C6orf163: variants seen among roughly 807,000 people sequenced by gnomAD.
C6orf163 encodes chromosome 6 open reading frame 163.
In C6orf163, 22 loss-of-function variants were observed where a neutral mutation model predicts 28.4. The observed-to-expected ratio is 0.78, with a 90% CI of 0.55 to 1.11. The LOEUF is 1.11. C6orf163 is among the 50% of genes least tolerant of loss of function. The probability of loss-of-function intolerance (pLI) is 0.00; values close to 1 mark genes in which losing one functional copy is unlikely to be tolerated. For synonymous variants in C6orf163, 110 were observed against 123.6 expected (o/e 0.89, Z 0.73); for missense variants, 342 against 389.1 (o/e 0.88, Z 1.02).
At chr6:87,364,878 C>T (rs1431191766) in intron 4 of C6orf163, 83 bp from the exon 5 acceptor site, 6 of 1,047,588 alleles carry the variant, frequency 5.7e-6, no homozygotes, top group Non-Finnish European at 8.2e-6. Flanking sequence ...AACAATTGCT[C>T]ATTCATCTGC....
At chr6:87,347,750 T>G (rs1356220067) in intron 1 of C6orf163, 1 of 985,410 alleles carries the variant, frequency 1.0e-6, no homozygotes, top group East Asian at 1.1e-4. Flanking sequence ...TGCTTACCCT[T>G]TTAGTGAGTT....
At chr6:87,353,158 A>G (rs913719651) in intron 3 of C6orf163, among the ~76,000 whole-genome samples, 18 of 152,172 alleles carry the variant, frequency 1.2e-4, no homozygotes, top group African/African-American at 3.6e-4. Flanking sequence ...ACTGAGTTCA[A>G]TTATCTGAAT....
intron 4 of C6orf163, among the ~76,000 whole-genome samples, chr6:87,364,613 A>G (rs1777620878): frequency 6.6e-6 from 1 of 152,128 alleles, no homozygotes; most frequent in Admixed American, 6.5e-5. Flanking sequence ...ATAAAGAAAT[A>G]CTTTCTCTAC....
At chr6:87,358,212 C>G (rs1461840488) in intron 4 of C6orf163, 4 of 151,962 alleles carry the variant, frequency 2.6e-5, no homozygotes. Context: ...ATTTATATAT[C>G]ATGAGAAATT....
intron 1 of C6orf163, chr6:87,348,361 CAAAGAACCACATGCT>C: frequency 1.0e-6 from 1 of 987,154 alleles, no homozygotes; most frequent in Non-Finnish European, 1.2e-6. Flanking sequence ...GTTAAACCCA[CAAAGAACCACATGCT>C]AAAGAAAGGC....
At chr6:87,350,366 A>G (rs1777393249) in intron 2 of C6orf163, 28 bp from the exon 3 acceptor site, 28 of 1,361,454 alleles carry the variant, frequency 2.1e-5, no homozygotes, top group Non-Finnish European at 2.6e-5. Flanking sequence ...TGATACATTA[A>G]TAGATAAATG....
At chr6:87,352,202 G>T (rs760972103) in intron 3 of C6orf163, among the ~76,000 whole-genome samples, 19 of 152,226 alleles carry the variant, frequency 1.2e-4, no homozygotes, top group Middle Eastern at 3.4e-3. Context: ...GTAGTGTGGG[G>T]TTATTTCAAC....
intron 4 of C6orf163, among the ~76,000 whole-genome samples, chr6:87,363,861 C>T (rs191960415): frequency 1.3e-3 from 197 of 152,258 alleles, no homozygotes; most frequent in African/African-American, 4.5e-3. Context: ...TTGCCTTTTT[C>T]ACTCTTAGTC....
At chr6:87,346,810 AC>A (rs1777331237) in intron 1 of C6orf163, among the ~76,000 whole-genome samples, 1 of 124,628 alleles carries the variant, frequency 8.0e-6, no homozygotes, top group African/African-American at 2.7e-5. Flanking sequence ...TTTTTCCTTC[AC>A]GTTTAAATAA....
chr6:87,350,043 G>T (rs186621196), intron 2 of C6orf163, among the ~76,000 whole-genome samples: 3 of 152,170 alleles, frequency 2.0e-5, no homozygotes, highest in Non-Finnish European at 2.9e-5. Flanking sequence ...GTGTTTTCCA[G>T]ATTTTCCACA....
chr6:87,345,367 A>G, intron 1 of C6orf163, 120 bp downstream of exon 1: 2 of 963,392 alleles, frequency 2.1e-6, no homozygotes, highest in Non-Finnish European at 2.9e-6. Context: ...CTACAGGGAT[A>G]TTTGAGGAGA....
chr6:87,348,669 G>A, intron 1 of C6orf163, 143 bp from the exon 2 acceptor site: 1 of 1,412,724 alleles, frequency 7.1e-7, no homozygotes, highest in South Asian at 1.6e-5. Flanking sequence ...CTCTTTCAAT[G>A]GGTATCTTTG....
At chr6:87,346,860 C>G (rs988801234) in intron 1 of C6orf163, among the ~76,000 whole-genome samples, 1 of 152,166 alleles carries the variant, frequency 6.6e-6, no homozygotes, top group African/African-American at 2.4e-5. Flanking sequence ...TCACAAGTTG[C>G]AAAATAGATC....
chr6:87,350,434 A>G lies in C6orf163; in HGVS notation c.284A>G (p.Glu95Gly). The G allele has an allele frequency of 6.5e-7, 1 of 1,536,118 alleles. No individual in the cohort carries two copies. The highest frequency in any genetic ancestry group is 1.2e-5 in the South Asian group (1 of 83,650). Reference sequence around the variant, plus strand: ...AAACAAGCAGTGGAGAAAGCACTTGAAGAAGCAAATGACAGACACAAAATT... The same window carrying G: ...AAACAAGCAGTGGAGAAAGCACTTGGAGAAGCAAATGACAGACACAAAATT... ...RQKQAVEKAL[E>G]EANDRHKIEI... is the part of the protein sequence containing the mutation. The change falls in exon 3 of 5, where the codon GAA becomes GGA. Residue 95 changes from glutamate to glycine, a missense_variant. Transcript: ENST00000388923.
At chr6:87,352,121 G>A (rs1156774067) in intron 3 of C6orf163, among the ~76,000 whole-genome samples, 1 of 152,148 alleles carries the variant, frequency 6.6e-6, no homozygotes, top group East Asian at 1.9e-4. Context: ...TATTTGTCCG[G>A]GGGTTGAGAA....
intron 4 of C6orf163, 28 bp downstream of exon 4, chr6:87,356,531 AG>A: frequency 1.9e-6 from 3 of 1,543,278 alleles, no homozygotes; most frequent in Non-Finnish European, 2.6e-6. Flanking sequence ...TTTACAAATT[AG>A]TAACTTCCTT....
chr6:87,360,637 G>A (rs956460941), intron 4 of C6orf163, among the ~76,000 whole-genome samples: 4 of 152,108 alleles, frequency 2.6e-5, no homozygotes, highest in African/African-American at 9.7e-5. Context: ...CTGACTTCAA[G>A]TGATCCACTT....
At chr6:87,362,492 G>A (rs1777595221) in intron 4 of C6orf163, among the ~76,000 whole-genome samples, 1 of 152,070 alleles carries the variant, frequency 6.6e-6, no homozygotes, top group South Asian at 2.1e-4. Context: ...AGTAAATAAA[G>A]TATCAGCTTC....
chr6:87,361,536 A>G (rs1441839632), intron 4 of C6orf163, among the ~76,000 whole-genome samples: 1 of 152,142 alleles, frequency 6.6e-6, no homozygotes, highest in African/African-American at 2.4e-5. Flanking sequence ...CAGGAAACTC[A>G]TGCCTGCTTA....
Sources: allele counts gnomAD v4.1 joint callset (sites outside exome capture counted in the v4.1 genomes callset), GRCh38; gene constraint gnomAD v4.1.1; transcripts MANE v1.5; gene names NCBI Gene and HGNC (gene_info 2026-07-23, HGNC 2026-07-21).